ST6GALNAC3: variants seen among roughly 807,000 people sequenced by gnomAD.
The protein encoded by ST6GALNAC3 is ST6 N-acetylgalactosaminide alpha-2,6-sialyltransferase 3, also known as alpha-N-acetylgalactosaminide alpha-2,6-sialyltransferase 3.
In ST6GALNAC3, 25 loss-of-function variants were observed where a neutral mutation model predicts 32.7. The ratio of observed to expected loss-of-function variants is 0.76; its 90% CI spans 0.56 to 1.07. ST6GALNAC3 has a LOEUF of 1.07. ST6GALNAC3 is among the 50% of genes least tolerant of loss of function. The probability of loss-of-function intolerance (pLI) is 0.00; values close to 1 mark genes in which losing one functional copy is unlikely to be tolerated. For synonymous variants in ST6GALNAC3, 129 were observed against 133.1 expected (o/e 0.97, Z 0.21); for missense variants, 355 against 382.4 (o/e 0.93, Z 0.60).
intron 1 of ST6GALNAC3, among the ~76,000 whole-genome samples, chr1:76,187,352 T>C (rs910276620): frequency 2.6e-5 from 4 of 152,158 alleles, no homozygotes; most frequent in African/African-American, 9.7e-5. Context: ...TAGGCTGTGG[T>C]ATATATGTGT....
intron 1 of ST6GALNAC3, among the ~76,000 whole-genome samples, chr1:76,230,223 C>T (rs957310702): frequency 1.3e-5 from 2 of 152,114 alleles, no homozygotes; most frequent in Admixed American, 6.6e-5. Context: ...TACATATAAG[C>T]GTTAAGATGA....
chr1:76,552,311 C>A (rs1038331169), intron 3 of ST6GALNAC3, among the ~76,000 whole-genome samples: 5 of 152,210 alleles, frequency 3.3e-5, no homozygotes, highest in African/African-American at 1.2e-4. Context: ...CCCTTTCCCC[C>A]ACATTGGAGA....
chr1:76,540,039 G>C (rs1326561239), intron 3 of ST6GALNAC3, among the ~76,000 whole-genome samples: 2 of 152,082 alleles, frequency 1.3e-5, no homozygotes, highest in Non-Finnish European at 1.5e-5. Context: ...TTATTCTGCT[G>C]TAAAGATGCA....
chr1:76,312,964 C>T (rs1646795772), intron 1 of ST6GALNAC3, among the ~76,000 whole-genome samples: 1 of 152,136 alleles, frequency 6.6e-6, no homozygotes, highest in Non-Finnish European at 1.5e-5. Flanking sequence ...TCTTTGCTTT[C>T]TCTCTTCTCA....
intron 2 of ST6GALNAC3, among the ~76,000 whole-genome samples, chr1:76,347,929 G>T (rs1208135649): frequency 6.6e-6 from 1 of 152,164 alleles, no homozygotes; most frequent in Non-Finnish European, 1.5e-5. Context: ...TGGTTATTAT[G>T]ATTTATGATT....
At chr1:76,226,164 C>A (rs1436551479) in intron 1 of ST6GALNAC3, among the ~76,000 whole-genome samples, 1 of 152,164 alleles carries the variant, frequency 6.6e-6, no homozygotes, top group African/African-American at 2.4e-5. Context: ...CAGGGTTTTC[C>A]TTCTTGTCTG....
intron 3 of ST6GALNAC3, among the ~76,000 whole-genome samples, chr1:76,623,508 T>C (rs1040285274): frequency 6.6e-6 from 1 of 151,914 alleles, no homozygotes; most frequent in Admixed American, 6.6e-5. Flanking sequence ...GATCCCCAAA[T>C]GTGGAAGGTA....
At chr1:76,239,741 G>C (rs1656863557) in intron 1 of ST6GALNAC3, among the ~76,000 whole-genome samples, 1 of 152,068 alleles carries the variant, frequency 6.6e-6, no homozygotes, top group Non-Finnish European at 1.5e-5. Context: ...GATTTGGAGG[G>C]GACAAACATC....
intron 1 of ST6GALNAC3, among the ~76,000 whole-genome samples, chr1:76,230,652 G>C (rs972959228): frequency 1.3e-5 from 2 of 152,172 alleles, no homozygotes; most frequent in Non-Finnish European, 2.9e-5. Flanking sequence ...ATATATGTAT[G>C]TGTGTGTTTA....
At chr1:76,197,489 CAGGGAAGGCTTTCT>C (rs910838535) in intron 1 of ST6GALNAC3, among the ~76,000 whole-genome samples, 1 of 149,178 alleles carries the variant, frequency 6.7e-6, no homozygotes, top group Non-Finnish European at 1.5e-5. Context: ...CCATGGGGGG[CAGGGAAGGCTTTCT>C]AGGGTAAGTG....
intron 2 of ST6GALNAC3, among the ~76,000 whole-genome samples, chr1:76,398,348 T>G (rs1399063454): frequency 6.6e-6 from 1 of 152,196 alleles, no homozygotes. Flanking sequence ...GAAGAACATT[T>G]ACTAACATCT....
At chr1:76,149,802 T>C (rs1650927972) in intron 1 of ST6GALNAC3, among the ~76,000 whole-genome samples, 1 of 152,262 alleles carries the variant, frequency 6.6e-6, no homozygotes, top group African/African-American at 2.4e-5. Flanking sequence ...GGGCTGCAGA[T>C]ACCTCTTTGA....
intron 2 of ST6GALNAC3, among the ~76,000 whole-genome samples, chr1:76,332,961 G>A (rs1337751544): frequency 6.6e-6 from 1 of 151,974 alleles, no homozygotes; most frequent in East Asian, 1.9e-4. Context: ...AACACCTATA[G>A]CAATTTATTG....
At chr1:76,285,385 GGTGTGT>G (rs140357874) in intron 1 of ST6GALNAC3, among the ~76,000 whole-genome samples, 3 of 148,470 alleles carry the variant, frequency 2.0e-5, no homozygotes, top group South Asian at 2.2e-4. Context: ...TCGGGAGGAT[GGTGTGT>G]GTGTGTGTGT....
At chr1:76,316,475 A>G (rs1479562232) in intron 2 of ST6GALNAC3, among the ~76,000 whole-genome samples, 1 of 152,160 alleles carries the variant, frequency 6.6e-6, no homozygotes, top group African/African-American at 2.4e-5. Context: ...AGTATATGTG[A>G]CCACATGGAA....
At chr1:76,559,214 G>A (rs1243909984) in intron 3 of ST6GALNAC3, among the ~76,000 whole-genome samples, 1 of 152,080 alleles carries the variant, frequency 6.6e-6, no homozygotes, top group Non-Finnish European at 1.5e-5. Context: ...TACCATAGAT[G>A]ACGGGAAGCT....
At chr1:76,156,511 TATA>T (rs1209058288) in intron 1 of ST6GALNAC3, among the ~76,000 whole-genome samples, 2 of 152,178 alleles carry the variant, frequency 1.3e-5, no homozygotes, top group African/African-American at 2.4e-5. Context: ...TACTTTGAGT[TATA>T]ATCAAATAGT....
rs1309784181 is a variant in ST6GALNAC3 at position 76,566,274 on chromosome 1, G to T, written c.624-61178G>T. On this transcript the variant is annotated intron_variant, in intron 3 of 4. Transcript: ENST00000328299. ...AAGTAAAGAGTAATTTATATTAAAA[G>T]ATCCCAATAATAGATGGACTATGGC... 3.9e-5 allele frequency among the ~76,000 whole-genome samples: 6 copies of T among 152,176 alleles called. No homozygotes were observed. The East Asian group carries it at 7.7e-4, about 20-fold the overall frequency.
intron 1 of ST6GALNAC3, among the ~76,000 whole-genome samples, chr1:76,204,555 G>A (rs558317671): frequency 2.4e-3 from 365 of 152,166 alleles, no homozygotes; most frequent in African/African-American, 8.4e-3. Context: ...GTGGAGGTGG[G>A]GATATGTCCT....
Sources: allele counts gnomAD v4.1 joint callset (sites outside exome capture counted in the v4.1 genomes callset), GRCh38; gene constraint gnomAD v4.1.1; transcripts MANE v1.5; gene names NCBI Gene and HGNC (gene_info 2026-07-23, HGNC 2026-07-21).